Variants in PFDN1 observed in about 807,000 individuals in gnomAD.
PFDN1 encodes prefoldin subunit 1, also known as prefoldin 1.
A neutral mutation model predicts 17.3 loss-of-function variants in PFDN1; 6 were observed. The observed-to-expected ratio is 0.35, with a 90% confidence interval of 0.19 to 0.69. The LOEUF (loss-of-function observed/expected upper bound fraction) is 0.69. Among genes scored for constraint, PFDN1 ranks in the 30% least tolerant of loss-of-function variants. PFDN1 has a pLI of 0.65. For missense variants in PFDN1, 113 were observed against 146.2 expected, an observed-to-expected ratio of 0.77 and a Z score of 1.17; for synonymous variants, 58 against 50.1, an observed-to-expected ratio of 1.16 and a Z score of -0.67.
In PFDN1 at chr5:140,271,049, G is replaced by C. The variant is rs1765198963; in HGVS notation, c.285+10400C>G. Among the ~76,000 whole-genome samples the C allele has an allele frequency of 2.6e-5, 4 of 152,126 alleles. No individual in the cohort carries two copies. The South Asian group carries it at 6.2e-4, about 24-fold the overall frequency. Reference sequence around the variant, plus strand: ...ATATTTGGGCAAATTTTAGCACTTGGATCATAACATATACAATGAACAAGG... The same window carrying C: ...ATATTTGGGCAAATTTTAGCACTTGCATCATAACATATACAATGAACAAGG... On this transcript the variant is annotated intron_variant, in intron 3 of 3. Transcript: ENST00000261813.
At chr5:140,275,621 T>A (rs561436657) in intron 3 of PFDN1, among the ~76,000 whole-genome samples, 1 of 151,832 alleles carries the variant, frequency 6.6e-6, no homozygotes, top group African/African-American at 2.4e-5. Context: ...TTTGCACTCA[T>A]AAATAAGATC....
At chr5:140,278,259 C>T (rs1327619536) in intron 3 of PFDN1, among the ~76,000 whole-genome samples, 1 of 151,270 alleles carries the variant, frequency 6.6e-6, no homozygotes. Flanking sequence ...AAATTCCTAA[C>T]ATAAAACAAA....
intron 3 of PFDN1, among the ~76,000 whole-genome samples, chr5:140,248,454 A>G (rs560241885): frequency 4.5e-4 from 68 of 152,356 alleles, no homozygotes; most frequent in South Asian, 1.0e-3. Context: ...ATGTATGTCC[A>G]CTGGGTGTCA....
intron 3 of PFDN1, among the ~76,000 whole-genome samples, chr5:140,260,229 C>T (rs1194119701): frequency 2.0e-5 from 3 of 151,704 alleles, no homozygotes; most frequent in Non-Finnish European, 4.4e-5. Flanking sequence ...CAGAAAAAAA[C>T]AAGTGCTGGC....
At chr5:140,278,314 T>A (rs1765330907) in intron 3 of PFDN1, among the ~76,000 whole-genome samples, 1 of 151,722 alleles carries the variant, frequency 6.6e-6, no homozygotes, top group Admixed American at 6.6e-5. Flanking sequence ...ACACCTGTAA[T>A]CCCAGCACTT....
intron 3 of PFDN1, among the ~76,000 whole-genome samples, chr5:140,257,186 G>GCACTC (rs767745567): frequency 2.1e-4 from 31 of 148,988 alleles, no homozygotes; most frequent in Non-Finnish European, 2.8e-4. Flanking sequence ...TCACGCCACT[G>GCACTC]CACTCCAGCC....
chr5:140,250,341 T>C (rs1764895126), intron 3 of PFDN1, among the ~76,000 whole-genome samples: 1 of 152,198 alleles, frequency 6.6e-6, no homozygotes, highest in African/African-American at 2.4e-5. Context: ...CTGCCTGGCC[T>C]TTGCCCTTCG....
intron 3 of PFDN1, among the ~76,000 whole-genome samples, chr5:140,260,455 G>T (rs1179113366): frequency 6.6e-6 from 1 of 151,762 alleles, no homozygotes; most frequent in Non-Finnish European, 1.5e-5. Context: ...TCCATCAACT[G>T]ATAAATGGAT....
At chr5:140,279,405 G>A (rs1348291660) in intron 3 of PFDN1, among the ~76,000 whole-genome samples, 2 of 151,996 alleles carry the variant, frequency 1.3e-5, no homozygotes, top group Non-Finnish European at 2.9e-5. Context: ...AAGGAAACTT[G>A]CAGAAAGTAA....
At chr5:140,298,475 TAA>T (rs897829047) in intron 2 of PFDN1, among the ~76,000 whole-genome samples, 2 of 141,708 alleles carry the variant, frequency 1.4e-5, no homozygotes. Context: ...CCCCCCAACT[TAA>T]AAAAAAAAAA....
intron 2 of PFDN1, 49 bp from the exon 3 acceptor site, chr5:140,281,582 C>T (rs765258775): frequency 1.1e-6 from 1 of 904,664 alleles, no homozygotes; most frequent in South Asian, 1.3e-5. Context: ...CTATTGAATT[C>T]ATCGAAATCA....
intron 3 of PFDN1, among the ~76,000 whole-genome samples, chr5:140,249,463 G>A (rs901036085): frequency 2.6e-5 from 4 of 152,302 alleles, no homozygotes; most frequent in African/African-American, 9.6e-5. Flanking sequence ...CAGTTACCCA[G>A]GCCTCTGCAA....
At chr5:140,290,549 C>T (rs1370646748) in intron 2 of PFDN1, among the ~76,000 whole-genome samples, 1 of 152,178 alleles carries the variant, frequency 6.6e-6, no homozygotes, top group East Asian at 1.9e-4. Context: ...AGTGAAAGTA[C>T]ATACTATAAT....
At chr5:140,253,895 T>C (rs568141005) in intron 3 of PFDN1, among the ~76,000 whole-genome samples, 1 of 152,218 alleles carries the variant, frequency 6.6e-6, no homozygotes, top group Non-Finnish European at 1.5e-5. Context: ...CATATTCTTA[T>C]GCCTCGACCC....
intron 3 of PFDN1, among the ~76,000 whole-genome samples, chr5:140,276,015 T>C (rs112450085): frequency 7.4e-5 from 11 of 149,376 alleles, no homozygotes; most frequent in African/African-American, 2.2e-4. Flanking sequence ...AGAAGAGAAA[T>C]TGATGATGAT....
Position 140,254,884 on chromosome 5 carries a change from T to C in PFDN1, c.286-8827A>G, listed in dbSNP as rs2126679508. Among the ~76,000 whole-genome samples the C allele has an allele frequency of 6.6e-6, 1 of 152,350 alleles. No homozygotes were observed. The highest frequency in any genetic ancestry group is 2.4e-5 in the African/African-American group (1 of 41,584). On this transcript the variant is annotated intron_variant, in intron 3 of 3. Coordinates refer to ENST00000261813, the MANE Select transcript of PFDN1 (RefSeq NM_002622.5). This position sits in a 1 kb window ranked among gnomAD's most constrained non-coding sequence, Gnocchi z 4.4. Reference sequence around the variant, plus strand: ...TCATTTATATTTATTCTCCTTATATTTACCCTTTCACCTATGTCCCTCTCT... The same window carrying C: ...TCATTTATATTTATTCTCCTTATATCTACCCTTTCACCTATGTCCCTCTCT...
chr5:140,276,853 C>T (rs888841627), intron 3 of PFDN1, among the ~76,000 whole-genome samples: 1 of 144,890 alleles, frequency 6.9e-6, no homozygotes, highest in Non-Finnish European at 1.5e-5. Flanking sequence ...TAACAGAAGG[C>T]AGAGGAAATG....
chr5:140,281,358 T>C lies in PFDN1; in HGVS notation c.285+91A>G, dbSNP rs1765395559. On this transcript the variant is annotated intron_variant, in intron 3 of 3. Transcript: ENST00000261813. ...AAATAAAAATAATATGACATTACTT[T>C]GGCAGGCAGGCATACATTTTCATTT... 6.1e-6 allele frequency: 4 copies of C among 658,212 alleles called. No individual in the cohort carries two copies. The East Asian group carries it at 8.2e-5, about 13-fold the overall frequency. 40.8% of individuals were successfully genotyped at this position (658,212 alleles called of 1,614,324 possible).
At chr5:140,264,020 CAAAAAAAAAAAAAAAAAAAAAAAAAA>C (rs58605224) in intron 3 of PFDN1, among the ~76,000 whole-genome samples, 4 of 55,558 alleles carry the variant, frequency 7.2e-5, no homozygotes, top group East Asian at 5.1e-4. Flanking sequence ...GACTCCATCT[CAAAAAAAAAAAAAAAAAAAAAAAAAA>C]AAAAAAAAAA....
Sources: gnomAD v4.1 joint callset for allele counts (sites outside exome capture counted in the v4.1 genomes callset) on GRCh38, gnomAD v4.1.1 for gene constraint, Gnocchi (gnomAD v3.1) non-coding constraint, MANE v1.5 for transcripts, NCBI Gene and HGNC (gene_info 2026-07-23, HGNC 2026-07-21) for gene names.